EEF2: variants seen among roughly 807,000 people sequenced by gnomAD.
EEF2 encodes the protein eukaryotic translation elongation factor 2.
In EEF2, 21 loss-of-function variants were observed where a neutral mutation model predicts 85.3. The ratio of observed to expected loss-of-function variants is 0.25; its 90% confidence interval spans 0.17 to 0.35. EEF2 has a LOEUF of 0.35. EEF2 is among the 10% of genes least tolerant of loss of function. The probability of loss-of-function intolerance (pLI) is 1.00; values close to 1 mark genes in which losing one functional copy is unlikely to be tolerated. For missense variants in EEF2, 825 were observed against 1,225.3 expected (o/e 0.67, Z 4.88); for synonymous variants, 723 against 508.8 (o/e 1.42, Z -5.67).
Position 3,984,147 on chromosome 19 carries a change from G to A in EEF2, c.207C>T (p.Thr69=). The A allele has an allele frequency of 1.9e-6, 3 of 1,613,840 alleles. No individual in the cohort carries two copies. The highest frequency in any genetic ancestry group is 2.5e-6 in the Non-Finnish European group (3 of 1,179,890). The change falls in exon 2 of 15, where the codon ACC becomes ACT. Residue 69 remains threonine, a synonymous_variant. Transcript: ENST00000309311. ...TRKDEQERCI[T]IKSTAISLFY... is the part of the protein sequence containing the mutation. Reference sequence around the variant, plus strand: ...CACAGGGAGCTCACGTTGACTTGATGGTGATGCAACGCTCCTGCTCGTCCT... The same window carrying A: ...CACAGGGAGCTCACGTTGACTTGATAGTGATGCAACGCTCCTGCTCGTCCT...
chr19:3,978,233 G>A (rs997082004), intron 11 of EEF2, 61 bp from the exon 12 acceptor site: 28 of 1,375,066 alleles, frequency 2.0e-5, no homozygotes, highest in East Asian at 7.8e-5. Flanking sequence ...ACACACAGAC[G>A]CATCCTTAAA....
chr19:3,980,295 A>AG (rs1373509292), intron 9 of EEF2, among the ~76,000 whole-genome samples: 2 of 152,248 alleles, frequency 1.3e-5, no homozygotes, highest in Non-Finnish European at 2.9e-5. Flanking sequence ...ACCTGTGCCC[A>AG]GGGACACAGA....
Position 3,978,361 on chromosome 19 carries a change from G to A in EEF2, c.1714-189C>T, listed in dbSNP as rs544860047. 3.3e-5 allele frequency among the ~76,000 whole-genome samples: 5 copies of A among 152,276 alleles called. No individual in the cohort carries two copies. The South Asian group carries it at 1.0e-3, about 32-fold the overall frequency. The stretch of plus-strand genomic sequence containing the variant: ...CACTCCAGACAAGGACAAGGAGCAG[G>A]GGCTCCACTGAGCTCTCCGGCGCAG... On this transcript the variant is annotated intron_variant, in intron 11 of 14. Transcript: ENST00000309311.
At position 3,983,223 on chromosome 19, in the gene EEF2, G is replaced by C. The variant is rs1288347794; in HGVS notation, c.287C>G (p.Ala96Gly). 3.1e-6 allele frequency: 5 copies of C among 1,614,012 alleles called. No individual in the cohort carries two copies. Among genetic ancestry groups the C allele is most frequent in the Non-Finnish European group, 4.2e-6 (5 of 1,179,996 alleles). ...LNFIKQSKDG[A>G]GFLINLIDSP... Reference sequence around the variant, plus strand: ...GTCAATGAGGTTGATGAGGAAGCCGGCACCGTCCTTGCTCTGCTTGATGAA... The same window carrying C: ...GTCAATGAGGTTGATGAGGAAGCCGCCACCGTCCTTGCTCTGCTTGATGAA... The change falls in exon 3 of 15, where the codon GCC becomes GGC. Residue 96 changes from alanine to glycine, a missense_variant. Transcript: ENST00000309311.
chr19:3,976,300 C>A lies in EEF2; in HGVS notation c.*254G>T. The A allele has an allele frequency of 2.7e-6, 1 of 372,328 alleles. No homozygotes were observed. Among genetic ancestry groups the A allele is most frequent in the South Asian group, 2.9e-5 (1 of 34,238 alleles). The allele number at this position is 372,328 out of a possible 1,614,324, so 23.1% of individuals were successfully genotyped here. A position where few individuals can be genotyped will look rare whatever the true frequency, so the allele number is the denominator to read the frequency against. On this transcript the variant is annotated 3_prime_UTR_variant, in exon 15 of 15. Coordinates refer to ENST00000309311, the MANE Select transcript of EEF2 (RefSeq NM_001961.4). ...AAAAAGTGTTGGGTGTCCCATCCCGCCTCCCCCTCCCCGACCGGCCCATTA... is the reference window on the plus strand; with the variant it reads ...AAAAAGTGTTGGGTGTCCCATCCCGACTCCCCCTCCCCGACCGGCCCATTA...
Position 3,985,444 on chromosome 19 carries a change from C to A in EEF2, c.-64G>T, listed in dbSNP as rs930806687. ...AAGAAGCGAGTCGCGCCGAGGATGGCGGCGACGACGGCGGAAGAGAACGCT... is the reference window on the plus strand; with the variant it reads ...AAGAAGCGAGTCGCGCCGAGGATGGAGGCGACGACGGCGGAAGAGAACGCT... On this transcript the variant is annotated 5_prime_UTR_variant, in exon 1 of 15. Coordinates refer to ENST00000309311, the MANE Select transcript of EEF2 (RefSeq NM_001961.4). 3 of 1,428,696 alleles carry A rather than the reference C, an allele frequency of 2.1e-6. No individual in the cohort carries two copies. Among genetic ancestry groups the A allele is most frequent in the South Asian group, 2.9e-5 (2 of 67,880 alleles). The allele number at this position is 1,428,696 out of a possible 1,614,324, so 88.5% of individuals were successfully genotyped here.
intron 9 of EEF2, 147 bp from the exon 10 acceptor site, chr19:3,980,213 CG>C: frequency 8.1e-7 from 1 of 1,236,948 alleles, no homozygotes. Context: ...ACTGCTGCGT[CG>C]GGGCTGTCAG....
rs1307116779 is a variant in EEF2, at chr19:3,980,516, C to T, written c.1344G>A (p.Gln448=). The change falls in exon 9 of 15, where the codon CAG becomes CAA. Residue 448 remains glutamine, a splice_region_variant and synonymous_variant. Transcript: ENST00000309311. The stretch of plus-strand genomic sequence containing the variant: ...CTGCACATCACCCAGCTGCTCACCT[C>T]TGGATTGGCTTCAGGTAGAGGTCCT... ...KKEDLYLKPI[Q]RTILMMGRYV... 2 of 1,612,528 alleles carry T rather than the reference C, an allele frequency of 1.2e-6. No homozygotes were observed. The highest frequency in any genetic ancestry group is 1.7e-5 in the Admixed American group (1 of 59,864).
chr19:3,978,034 C>T lies in EEF2; in HGVS notation c.1852G>A (p.Asp618Asn), dbSNP rs755946485. The T allele has an allele frequency of 6.2e-7, 1 of 1,602,190 alleles. No homozygotes were observed. Residue 618 changes from aspartate to asparagine, a missense_variant, in exon 12 of 15, where the codon GAT becomes AAT. Physicochemically the swap from Asp to Asn is conservative, Grantham distance 23. Transcript: ENST00000309311. Reference protein sequence around the residue: ...PFPDGLAEDIDKGEVSARQEL... With the variant: ...PFPDGLAEDINKGEVSARQEL... The stretch of plus-strand genomic sequence containing the variant: ...TGACGGGCGGACACCTCGCCTTTAT[C>T]GATGTCCTCGGCCAGGCCGTCGGGG...
chr19:3,980,447 C>T (rs2039731347), intron 9 of EEF2, 67 bp downstream of exon 9: 3 of 1,533,518 alleles, frequency 2.0e-6, no homozygotes, highest in African/African-American at 1.4e-5. Flanking sequence ...ACTGAGGAGC[C>T]CAAGACTTGG....
At chr19:3,984,044 G>A (rs1378565602) in intron 2 of EEF2, 92 bp downstream of exon 2, 3 of 1,369,142 alleles carry the variant, frequency 2.2e-6, no homozygotes, top group African/African-American at 1.4e-5. Context: ...AAGAGACGTT[G>A]CCAAGTCTCT....
chr19:3,980,907 CA>C lies in EEF2; in HGVS notation c.1083del (p.Val362Ter). ...LQMITIHLPS[P>X]VTAQKYRCEL... ...TCGCAGCGGTACTTCTGGGCCGTCA[CA>C]GGGGAGGGCAGGTGGATGGTGATCA... On this transcript the variant is annotated frameshift_variant, in exon 8 of 15. Transcript: ENST00000309311. LOFTEE classifies it high-confidence loss of function. The C allele has an allele frequency of 6.4e-7, 1 of 1,566,500 alleles. No individual in the cohort carries two copies. The highest frequency in any genetic ancestry group is 8.6e-7 in the Non-Finnish European group (1 of 1,156,766).
rs528278063 is a variant in EEF2, at chr19:3,977,368, C to A, written c.2251-21G>T. 16 of 1,590,968 alleles carry A rather than the reference C, an allele frequency of 1.0e-5. No homozygotes were observed. In the South Asian group the frequency reaches 1.6e-4, roughly 16 times the overall value. On this transcript the variant is annotated intron_variant, in intron 13 of 14. Transcript: ENST00000309311. The surrounding 1 kb of genome is among the most constrained non-coding windows in gnomAD (Gnocchi z 5.4). ...GGACACTGCCAGAAGGGAAAGAAAA[C>A]CTGTCAGTGGCCGCTGGGCAGGACG... is the stretch of plus-strand genomic sequence containing the variant.
At chr19:3,983,688 C>T (rs762502520) in intron 2 of EEF2, among the ~76,000 whole-genome samples, 2 of 152,100 alleles carry the variant, frequency 1.3e-5, no homozygotes, top group African/African-American at 2.4e-5. Context: ...AGTCCCTCAC[C>T]AATGTACCAA....
intron 11 of EEF2, 40 bp from the exon 12 acceptor site, chr19:3,978,212 G>A (rs1038339661): frequency 1.4e-6 from 2 of 1,428,436 alleles, no homozygotes; most frequent in Admixed American, 2.9e-5. Flanking sequence ...CCTGGAGAAA[G>A]AGGTGACCTT....
At chr19:3,979,721 ACCACAGCAAC>A in intron 10 of EEF2, 77 bp downstream of exon 10, 1 of 1,539,434 alleles carries the variant, frequency 6.5e-7, no homozygotes, top group Non-Finnish European at 8.8e-7. Context: ...CAATCCACCA[ACCACAGCAAC>A]CCACACAGCC....
At position 3,982,410 on chromosome 19, in the gene EEF2, G is replaced by C. The variant is rs145155508; in HGVS notation, c.627C>G (p.Leu209=). The change falls in exon 5 of 15, where the codon CTC becomes CTG. Residue 209 remains leucine (L), a synonymous_variant. Transcript: ENST00000309311. The stretch of plus-strand genomic sequence containing the variant: ...GGCCAGACCCAAAGCCCACGGTACC[G>C]AGGACAGGATCGATCTGGAAGTGTG... ...PMGNIMIDPV[L]GTVGFGSGLH... is the part of the protein sequence containing the mutation. The C allele has an allele frequency of 6.2e-7, 1 of 1,613,972 alleles. No individual in the cohort carries two copies. The highest frequency in any genetic ancestry group is 8.5e-7 in the Non-Finnish European group (1 of 1,180,050).
chr19:3,982,328 C>T lies in EEF2; in HGVS notation c.709G>A (p.Ala237Thr), dbSNP rs368547225. 5.0e-6 allele frequency: 8 copies of T among 1,614,024 alleles called. No individual in the cohort carries two copies. Among genetic ancestry groups the T allele is most frequent in the Non-Finnish European group, 6.8e-6 (8 of 1,180,024 alleles). The change falls in exon 5 of 15, where the codon GCC (alanine) becomes ACC (threonine). Residue 237 changes from alanine to threonine, a missense_variant. Physicochemically the swap from Ala to Thr is moderately conservative, Grantham distance 58 (BLOSUM62 0). Coordinates refer to ENST00000309311, the MANE Select transcript of EEF2 (RefSeq NM_001961.4). ...CCCAACTGGCCCTCCCCCTTGGCGGCGAACTTGGCCACATACATCTCGGCA... is the reference window on the plus strand; with the variant it reads ...CCCAACTGGCCCTCCCCCTTGGCGGTGAACTTGGCCACATACATCTCGGCA... ...QFAEMYVAKFAAKGEGQLGPA... is the reference protein window; with the variant it reads ...QFAEMYVAKFTAKGEGQLGPA...
At chr19:3,979,278 G>C in intron 11 of EEF2, 51 bp downstream of exon 11, 1 of 1,448,564 alleles carries the variant, frequency 6.9e-7, no homozygotes, top group Non-Finnish European at 9.7e-7. Flanking sequence ...TTAAAGCAGA[G>C]GGCAGGTGTC....
Sources: gnomAD v4.1 joint callset for allele counts (sites outside exome capture counted in the v4.1 genomes callset) on GRCh38, gnomAD v4.1.1 for gene constraint, Gnocchi (gnomAD v3.1) non-coding constraint, MANE v1.5 for transcripts, NCBI Gene and HGNC (gene_info 2026-07-23, HGNC 2026-07-21) for gene names.